Variants in CLVS1 observed in about 807,000 individuals in gnomAD.
The protein encoded by CLVS1 is clavesin 1, also known as clavesin-1.
A neutral mutation model predicts 33.1 loss-of-function variants in CLVS1; 10 were observed. The observed-to-expected ratio is 0.30, with a 90% CI of 0.19 to 0.51. The LOEUF (loss-of-function observed/expected upper bound fraction) is 0.51, where lower values mean the gene tolerates loss of function less well. Among genes scored for constraint, CLVS1 ranks in the 20% least tolerant of loss-of-function variants. The pLI, the probability that CLVS1 is intolerant of heterozygous loss-of-function variation, is 0.97. For synonymous variants in CLVS1, 163 were observed against 166.1 expected (o/e 0.98, Z 0.14); for missense variants, 343 against 433.4 (o/e 0.79, Z 1.85).
At chr8:61,276,333 A>C (rs1809561152) in intron 2 of CLVS1, among the ~76,000 whole-genome samples, 1 of 151,998 alleles carries the variant, frequency 6.6e-6, no homozygotes, top group East Asian at 1.9e-4. Flanking sequence ...CTTGGAATAT[A>C]TTTTTCTTTT....
intron 2 of CLVS1, among the ~76,000 whole-genome samples, chr8:61,274,405 T>C (rs1450324706): frequency 1.3e-5 from 2 of 152,202 alleles, no homozygotes; most frequent in African/African-American, 2.4e-5. Context: ...ATCTTCTTGA[T>C]AGTTATTGAT....
At chr8:61,483,529 A>G (rs1033587797) in intron 5 of CLVS1, among the ~76,000 whole-genome samples, 54 of 152,248 alleles carry the variant, frequency 3.5e-4, no homozygotes, top group African/African-American at 1.3e-3. Flanking sequence ...AGGAGCTGGT[A>G]CCACTCCTTC....
chr8:61,387,985 G>A (rs1353915482), intron 3 of CLVS1, among the ~76,000 whole-genome samples: 1 of 152,150 alleles, frequency 6.6e-6, no homozygotes, highest in Non-Finnish European at 1.5e-5. Flanking sequence ...CCTGTGGGTA[G>A]ATACCGAGGA....
intron 5 of CLVS1, among the ~76,000 whole-genome samples, chr8:61,467,088 T>C: frequency 6.6e-6 from 1 of 152,302 alleles, no homozygotes; most frequent in Non-Finnish European, 1.5e-5. Context: ...TGTACATATA[T>C]ATATAATTGT....
intron 2 of CLVS1, among the ~76,000 whole-genome samples, chr8:61,325,017 T>G (rs529135479): frequency 2.3e-4 from 35 of 152,286 alleles, no homozygotes; most frequent in African/African-American, 8.4e-4. Flanking sequence ...AATTTTGAAG[T>G]CCAACTGGGC....
At chr8:61,048,652 G>A in the CLVS1 span, among the ~76,000 whole-genome samples, 1 of 152,176 alleles carries the variant, frequency 6.6e-6, no homozygotes, top group African/African-American at 2.4e-5. Flanking sequence ...TAGAGGTATA[G>A]AAGGCAGGAC....
intron 2 of CLVS1, among the ~76,000 whole-genome samples, chr8:61,208,484 T>C (rs1807903319): frequency 6.6e-6 from 1 of 152,228 alleles, no homozygotes; most frequent in Non-Finnish European, 1.5e-5. Flanking sequence ...TTTTAGATAC[T>C]AAAATATTTT....
intron 5 of CLVS1, among the ~76,000 whole-genome samples, chr8:61,499,154 TG>T (rs1376290230): frequency 6.6e-5 from 10 of 152,122 alleles, no homozygotes; most frequent in African/African-American, 2.4e-4. Context: ...GAATATATTA[TG>T]TAGTTATTTT....
At chr8:61,197,747 T>C (rs1424447342) in intron 2 of CLVS1, among the ~76,000 whole-genome samples, 1 of 152,210 alleles carries the variant, frequency 6.6e-6, no homozygotes, top group Non-Finnish European at 1.5e-5. Context: ...CTGGAACTCC[T>C]GACCTCAAGT....
chr8:61,270,642 C>A (rs1245563670), intron 2 of CLVS1, among the ~76,000 whole-genome samples: 2 of 152,102 alleles, frequency 1.3e-5, no homozygotes, highest in African/African-American at 4.8e-5. Context: ...TCCATCTGTT[C>A]CTGGACTCTT....
chr8:61,402,884 G>T (rs1171453998), intron 3 of CLVS1, among the ~76,000 whole-genome samples: 1 of 152,246 alleles, frequency 6.6e-6, no homozygotes, highest in Non-Finnish European at 1.5e-5. Context: ...GATACATTGT[G>T]CATACATACA....
chr8:61,357,354 G>T (rs982900232), intron 2 of CLVS1, among the ~76,000 whole-genome samples: 7 of 151,972 alleles, frequency 4.6e-5, no homozygotes, highest in African/African-American at 1.7e-4. Context: ...GCATACATAT[G>T]CATAGAGGAT....
intron 1 of CLVS1, among the ~76,000 whole-genome samples, chr8:61,074,308 A>G (rs1017336556): frequency 1.3e-5 from 2 of 149,334 alleles, no homozygotes; most frequent in Non-Finnish European, 3.0e-5. Context: ...ACTGCATTCC[A>G]GCATGGTCAA....
chr8:61,048,298 T>C, the CLVS1 span, among the ~76,000 whole-genome samples: 1 of 152,180 alleles, frequency 6.6e-6, no homozygotes, highest in Non-Finnish European at 1.5e-5. Flanking sequence ...AGTGATGGCC[T>C]TGGACCAACT....
At chr8:61,246,167 C>CTTTTTTTT (rs1188366643) in intron 2 of CLVS1, among the ~76,000 whole-genome samples, 2,723 of 82,220 alleles carry the variant, frequency 0.033, 541 homozygotes, top group Non-Finnish European at 0.048. Flanking sequence ...TCCTTCCCAA[C>CTTTTTTTT]TTTTTTTTTT....
chr8:61,212,070 A>G (rs1807981913), intron 2 of CLVS1, among the ~76,000 whole-genome samples: 1 of 152,202 alleles, frequency 6.6e-6, no homozygotes, highest in Admixed American at 6.5e-5. Flanking sequence ...TCCCACCCCC[A>G]GAACAGGAGA....
At chr8:61,397,475 T>C (rs573327080) in intron 3 of CLVS1, among the ~76,000 whole-genome samples, 1 of 152,204 alleles carries the variant, frequency 6.6e-6, no homozygotes, top group African/African-American at 2.4e-5. Flanking sequence ...CTGTAGGTTG[T>C]CTTTTTACTT....
At chr8:61,241,712 A>G (rs527637200) in intron 2 of CLVS1, among the ~76,000 whole-genome samples, 19 of 152,356 alleles carry the variant, frequency 1.2e-4, no homozygotes, top group African/African-American at 4.3e-4. Flanking sequence ...ATCATACGAA[A>G]GAGGAAAACC....
At chr8:61,017,864 G>C in the CLVS1 span, among the ~76,000 whole-genome samples, 1 of 152,194 alleles carries the variant, frequency 6.6e-6, no homozygotes, top group African/African-American at 2.4e-5. Flanking sequence ...CATCAGTTTA[G>C]GGCTCTTTCT....
Sources: gnomAD v4.1 joint callset for allele counts (sites outside exome capture counted in the v4.1 genomes callset) on GRCh38, gnomAD v4.1.1 for gene constraint, MANE v1.5 for transcripts, NCBI Gene and HGNC (gene_info 2026-07-23, HGNC 2026-07-21) for gene names.